Variants in TMPRSS9 observed in about 807,000 individuals in gnomAD.
TMPRSS9 encodes transmembrane protease serine 9.
A neutral mutation model predicts 111.4 loss-of-function variants in TMPRSS9; 113 were observed. The observed-to-expected ratio is 1.01, with a 90% CI of 0.87 to 1.19. The LOEUF (loss-of-function observed/expected upper bound fraction) is 1.19. Among genes scored for constraint, TMPRSS9 ranks in the 50% most tolerant of loss-of-function variants. The pLI, the probability that TMPRSS9 is intolerant of heterozygous loss-of-function variation, is 0.00. For synonymous variants in TMPRSS9, 805 were observed against 659.1 expected, an observed-to-expected ratio of 1.22 and a Z score of -3.39; for missense variants, 1,803 against 1,513.1, an observed-to-expected ratio of 1.19 and a Z score of -3.18.
At chr19:2,425,067 A>G (rs781504401) in exon 16 of TMPRSS9, 1 of 1,571,852 alleles carries the variant, frequency 6.4e-7, no homozygotes, top group South Asian at 1.1e-5. Flanking sequence ...GCGGAGGGGC[A>G]GCTGGAGCGC....
intron 9 of TMPRSS9, 114 bp downstream of exon 10, chr19:2,410,508 G>C: frequency 2.8e-6 from 4 of 1,410,238 alleles, no homozygotes; most frequent in Admixed American, 4.5e-5. Context: ...CAACGCCCCA[G>C]ACCCCAGAAA....
At chr19:2,418,379 C>CCCTTT (rs1372689501) in intron 13 of TMPRSS9, among the ~76,000 whole-genome samples, 5 of 40,320 alleles carry the variant, frequency 1.2e-4, no homozygotes, top group East Asian at 8.7e-4. Context: ...TTCCCTCCCT[C>CCCTTT]CCTTTCCTTC....
At position 2,379,631 on chromosome 19, in the gene TMPRSS9, T is replaced by TTCTA. The variant is rs1164765527; in HGVS notation, c.-25-10127_-25-10126insATCT. On this transcript the variant is annotated intron_variant, in intron 1 of 17. Coordinates refer to the TMPRSS9 transcript ENST00000649857. ...ACTTTCTTTCTCTTTCTTTCTTTCT[T>TTCTA]TCTTTCTTTCTTTCTTTCTTTCTTT... Among the ~76,000 whole-genome samples, 492 of 144,254 alleles carry TTCTA rather than the reference T, an allele frequency of 3.4e-3. 4 individuals carry two copies. Among genetic ancestry groups the TTCTA allele is most frequent in the African/African-American group, 0.012 (464 of 37,532 alleles). 94.6% of individuals were successfully genotyped at this position (144,254 alleles called of 152,430 possible). A position where few individuals can be genotyped will look rare whatever the true frequency, so the allele number is the denominator to read the frequency against.
chr19:2,403,295 A>T, intron 6 of TMPRSS9, 100 bp downstream of exon 7: 1 of 997,542 alleles, frequency 1.0e-6, no homozygotes, highest in Non-Finnish European at 1.5e-6. Flanking sequence ...CACTGGGCAC[A>T]CAGGCCTGGC....
chr19:2,414,677 C>G (rs551894496), intron 10 of TMPRSS9, among the ~76,000 whole-genome samples: 3 of 151,532 alleles, frequency 2.0e-5, no homozygotes, highest in Non-Finnish European at 2.9e-5. Flanking sequence ...GAGTTCAAGA[C>G]CAGCCTGGCC....
At chr19:2,363,481 G>A (rs1970219632) in intron 1 of TMPRSS9, among the ~76,000 whole-genome samples, 1 of 151,516 alleles carries the variant, frequency 6.6e-6, no homozygotes, top group Non-Finnish European at 1.5e-5. Context: ...CAGACACATG[G>A]GTGGAGATTT....
At chr19:2,379,618 T>TTTCTTTCTTTCTTTCTTTCTTTCC (rs1386443802) in intron 1 of TMPRSS9, among the ~76,000 whole-genome samples, 5 of 105,002 alleles carry the variant, frequency 4.8e-5, no homozygotes, top group African/African-American at 2.0e-4. Flanking sequence ...TTTCTTTCTC[T>TTTCTTTCTTTCTTTCTTTCTTTCC]TTCTTTCTTT....
chr19:2,394,086 C>T (rs1599289226), intron 1 of TMPRSS9, among the ~76,000 whole-genome samples: 1 of 152,060 alleles, frequency 6.6e-6, no homozygotes, highest in Admixed American at 6.6e-5. Flanking sequence ...GCCTGTAGTC[C>T]TAGCTACTCG....
At chr19:2,389,751 T>C (rs775379693), upstream of TMPRSS9, 8 of 1,592,442 alleles carry the variant, frequency 5.0e-6, no homozygotes, top group Non-Finnish European at 4.3e-6. Context: ...TCTTGCTGTG[T>C]GGCATCCAGC....
At chr19:2,415,961 C>T (rs1207671379) in intron 11 of TMPRSS9, 120 bp downstream of exon 12, 13 of 1,208,664 alleles carry the variant, frequency 1.1e-5, no homozygotes, top group Non-Finnish European at 1.4e-5. Flanking sequence ...CCCTTCCTCT[C>T]CTGAGGGCAG....
At chr19:2,388,489 G>T (rs939928855), upstream of TMPRSS9, among the ~76,000 whole-genome samples, 1 of 152,178 alleles carries the variant, frequency 6.6e-6, no homozygotes, top group East Asian at 1.9e-4. Context: ...TTAAGACGCT[G>T]GTAAAGATGG....
intron 1 of TMPRSS9, among the ~76,000 whole-genome samples, chr19:2,393,226 C>T (rs575728702): frequency 6.6e-4 from 101 of 152,276 alleles, no homozygotes; most frequent in African/African-American, 2.3e-3. Context: ...TGCTGCTGCT[C>T]ACTCGTTGGG....
upstream of TMPRSS9, among the ~76,000 whole-genome samples, chr19:2,385,157 GGAGGGCGGGGCTCGC>G (rs1970449988): frequency 6.3e-5 from 8 of 126,808 alleles, 1 homozygote; most frequent in African/African-American, 3.9e-4. Context: ...CGGAGCTCGC[GGAGGGCGGGGCTCGC>G]GGGGGGCGGG....
chr19:2,418,323 C>CCT (rs1568189407), intron 13 of TMPRSS9, among the ~76,000 whole-genome samples, 185 bp downstream of exon 14: 3 of 41,956 alleles, frequency 7.2e-5, no homozygotes, highest in African/African-American at 7.1e-4. Context: ...CCCTCCCTCC[C>CCT]TCCCTCCCTT....
chr19:2,396,504 G>T, intron 1 of TMPRSS9, 35 bp from the exon 3 acceptor site: 2 of 1,561,454 alleles, frequency 1.3e-6, no homozygotes, highest in Non-Finnish European at 1.7e-6. Flanking sequence ...GCCCCCAAAG[G>T]TGGGCTCTCT....
chr19:2,418,214 T>A, intron 13 of TMPRSS9, 76 bp downstream of exon 14: 1 of 1,586,234 alleles, frequency 6.3e-7, no homozygotes, highest in Non-Finnish European at 8.6e-7. Flanking sequence ...GTTCTTTGTG[T>A]GCAGACCTAG....
rs1383449525 is a variant in TMPRSS9 at position 2,398,869 on chromosome 19, T to A, written c.338+7T>A. The A allele has an allele frequency of 6.6e-7, 1 of 1,526,294 alleles. No individual in the cohort carries two copies. The highest frequency in any genetic ancestry group is 1.4e-5 in the African/African-American group (1 of 72,770). 94.5% of individuals were successfully genotyped at this position (1,526,294 alleles called of 1,614,324 possible). A position where few individuals can be genotyped will look rare whatever the true frequency, so the allele number is the denominator to read the frequency against. ...GCTCGGTACTGAATTATAGGTGAGT[T>A]GGAGCTTCCATTGGGTGAAGGAAAC... On this transcript the variant is annotated splice_region_variant and intron_variant, in intron 3 of 17. Transcript: ENST00000648592.
chr19:2,421,854 G>A, exon 14 of TMPRSS9: 1 of 1,596,948 alleles, frequency 6.3e-7, no homozygotes. Flanking sequence ...TCCTTTCTAG[G>A]GTGACTCTGG....
chr19:2,403,647 A>G (rs1970903733), intron 6 of TMPRSS9, among the ~76,000 whole-genome samples: 1 of 150,588 alleles, frequency 6.6e-6, no homozygotes, highest in Non-Finnish European at 1.5e-5. Context: ...ACTTGAGGCC[A>G]GGAGTTTCAG....
Sources: gnomAD v4.1 joint callset for allele counts (sites outside exome capture counted in the v4.1 genomes callset) on GRCh38, gnomAD v4.1.1 for gene constraint, MANE v1.5 for transcripts, NCBI Gene and HGNC (gene_info 2026-07-23, HGNC 2026-07-21) for gene names.